FAR2: variants seen among roughly 807,000 people sequenced by gnomAD.
FAR2 encodes the protein fatty acyl-CoA reductase 2.
Under a neutral mutation model 56.0 loss-of-function variants are expected in FAR2, and 19 were observed. The observed-to-expected ratio is 0.34, with a 90% confidence interval of 0.24 to 0.50. The LOEUF is 0.50. Ranked by LOEUF, FAR2 falls within the 20% of genes least tolerant of loss-of-function variation. The probability of loss-of-function intolerance (pLI) is 0.98; values close to 1 mark genes in which losing one functional copy is unlikely to be tolerated. For missense variants in FAR2, 508 were observed against 642.2 expected, an observed-to-expected ratio of 0.79 and a Z score of 2.26; for synonymous variants, 219 against 218.8, an observed-to-expected ratio of 1.00 and a Z score of -0.01.
chr12:29,246,078 T>C (rs569383921), intron 1 of FAR2, among the ~76,000 whole-genome samples: 1 of 151,712 alleles, frequency 6.6e-6, no homozygotes, highest in Admixed American at 6.6e-5. Flanking sequence ...AGTTATAGTT[T>C]TATATTTTTT....
At chr12:29,218,541 G>A (rs1591860902) in intron 1 of FAR2, among the ~76,000 whole-genome samples, 2 of 152,136 alleles carry the variant, frequency 1.3e-5, no homozygotes, top group South Asian at 4.1e-4. Context: ...AAATATATGT[G>A]TAACTGAAGT....
At chr12:29,155,074 A>C (rs1176041396) in intron 1 of FAR2, among the ~76,000 whole-genome samples, 2 of 152,208 alleles carry the variant, frequency 1.3e-5, no homozygotes, top group African/African-American at 4.8e-5. Context: ...GATATTCAGA[A>C]ACAGGATCTG....
At position 29,152,926 on chromosome 12, in the gene FAR2, C is replaced by T. The variant is rs575050994; in HGVS notation, c.-39+3519C>T. Among the ~76,000 whole-genome samples the T allele has an allele frequency of 3.3e-5, 5 of 152,288 alleles. No individual in the cohort carries two copies. The East Asian group carries it at 9.7e-4, about 29-fold the overall frequency. On this transcript the variant is annotated intron_variant, in intron 1 of 11. Coordinates refer to ENST00000536681, the MANE Select transcript of FAR2 (RefSeq NM_001271783.2). ...TGAACAAACAAGACTTTTGGGTGCC[C>T]AGGGACCACAGTGGCACTTTGGGGT...
chr12:29,285,030 G>A (rs1017291354), intron 2 of FAR2, among the ~76,000 whole-genome samples: 3 of 151,996 alleles, frequency 2.0e-5, no homozygotes, highest in East Asian at 1.9e-4. Context: ...TTTAGTAGAG[G>A]CGGGGTTTCA....
intron 1 of FAR2, among the ~76,000 whole-genome samples, chr12:29,175,474 AT>A (rs1266647060): frequency 6.6e-6 from 1 of 152,226 alleles, no homozygotes; most frequent in Non-Finnish European, 1.5e-5. Context: ...CAGCAGCAAG[AT>A]TTATTGTGAA....
chr12:29,305,746 G>GGTGTAGC (rs1235559720), intron 4 of FAR2, among the ~76,000 whole-genome samples: 6 of 152,172 alleles, frequency 3.9e-5, no homozygotes, highest in African/African-American at 7.2e-5. Context: ...GTGGAATACA[G>GGTGTAGC]GTGTAGCTGA....
chr12:29,303,835 A>G (rs1949214616), intron 4 of FAR2, among the ~76,000 whole-genome samples: 1 of 152,260 alleles, frequency 6.6e-6, no homozygotes, highest in Non-Finnish European at 1.5e-5. Flanking sequence ...CTTTGATATT[A>G]GCAGGCTTTA....
At chr12:29,157,766 A>G (rs1029275852) in intron 1 of FAR2, among the ~76,000 whole-genome samples, 5 of 152,228 alleles carry the variant, frequency 3.3e-5, no homozygotes, top group Non-Finnish European at 7.3e-5. Flanking sequence ...TGAAAGCAAG[A>G]TCCTTGGAAA....
rs372610516 is a variant in FAR2 at position 29,269,588 on chromosome 12, G to A, written c.-38-824G>A. 3.3e-3 allele frequency among the ~76,000 whole-genome samples: 504 copies of A among 152,298 alleles called. 4 individuals carry two copies. The highest frequency in any genetic ancestry group is 0.012 in the African/African-American group (483 of 41,556). On this transcript the variant is annotated intron_variant, in intron 1 of 11. Coordinates refer to ENST00000536681, the MANE Select transcript of FAR2 (RefSeq NM_001271783.2). Reference sequence around the variant, plus strand: ...AGGGTATTGACTGGGGAAGTGATAAGTGTCCATGAAATCTTTACAATTTAT... The same window carrying A: ...AGGGTATTGACTGGGGAAGTGATAAATGTCCATGAAATCTTTACAATTTAT...
chr12:29,196,900 C>A (rs1179152566), intron 1 of FAR2, among the ~76,000 whole-genome samples: 1 of 152,098 alleles, frequency 6.6e-6, no homozygotes, highest in Non-Finnish European at 1.5e-5. Context: ...GGGACACAGA[C>A]AGCTCAAGAA....
At chr12:29,218,089 G>A (rs1947643911) in intron 1 of FAR2, among the ~76,000 whole-genome samples, 1 of 152,178 alleles carries the variant, frequency 6.6e-6, no homozygotes, top group African/African-American at 2.4e-5. Context: ...GGGTGTGGTG[G>A]CTCACGCCTG....
chr12:29,216,983 G>T (rs1055800311), intron 1 of FAR2, among the ~76,000 whole-genome samples: 2 of 152,088 alleles, frequency 1.3e-5, no homozygotes, highest in African/African-American at 2.4e-5. Context: ...ATAAGGTAAG[G>T]CTCTCTAATC....
chr12:29,311,666 TCACACACA>T (rs61236613), intron 7 of FAR2, among the ~76,000 whole-genome samples: 1 of 147,426 alleles, frequency 6.8e-6, no homozygotes, highest in Non-Finnish European at 1.5e-5. Context: ...AACATCTCTT[TCACACACA>T]CACACACACA....
intron 1 of FAR2, among the ~76,000 whole-genome samples, chr12:29,245,019 C>A (rs2882294): frequency 1.3e-5 from 2 of 150,810 alleles, no homozygotes; most frequent in Non-Finnish European, 3.0e-5. Context: ...TCTCACTCTA[C>A]GGCCATGCTG....
At chr12:29,258,664 A>T (rs539913199) in intron 1 of FAR2, among the ~76,000 whole-genome samples, 1 of 152,326 alleles carries the variant, frequency 6.6e-6, no homozygotes, top group South Asian at 2.1e-4. Context: ...AAAAAAGCCA[A>T]CAGAATTATC....
chr12:29,226,312 C>T (rs1425614525), intron 1 of FAR2, among the ~76,000 whole-genome samples: 2 of 152,202 alleles, frequency 1.3e-5, no homozygotes, highest in East Asian at 3.8e-4. Context: ...TTCTTCTTCA[C>T]ACCTATAGCC....
intron 2 of FAR2, among the ~76,000 whole-genome samples, chr12:29,275,154 CG>C (rs1948688967): frequency 6.6e-6 from 1 of 150,538 alleles, no homozygotes; most frequent in Non-Finnish European, 1.5e-5. Flanking sequence ...GGGCTGAGTC[CG>C]AAAAGAGAGT....
intron 1 of FAR2, among the ~76,000 whole-genome samples, chr12:29,170,650 T>C (rs945257047): frequency 6.6e-6 from 1 of 152,124 alleles, no homozygotes; most frequent in Admixed American, 6.5e-5. Flanking sequence ...TCTCTTTCTC[T>C]CTCTCTCTGA....
intron 1 of FAR2, among the ~76,000 whole-genome samples, chr12:29,233,513 A>C (rs1233880329): frequency 6.6e-6 from 1 of 152,216 alleles, no homozygotes; most frequent in Non-Finnish European, 1.5e-5. Context: ...TCCCAGGGAT[A>C]AATTGTACCA....
Sources: allele counts gnomAD v4.1 joint callset (sites outside exome capture counted in the v4.1 genomes callset), GRCh38; gene constraint gnomAD v4.1.1; transcripts MANE v1.5; gene names NCBI Gene and HGNC (gene_info 2026-07-23, HGNC 2026-07-21).